The following ALS2 variants were observed in gnomAD, a reference collection of about 807,000 sequenced individuals.
ALS2 encodes alsin Rho guanine nucleotide exchange factor ALS2.
In ALS2, 117 loss-of-function variants were observed where a neutral mutation model predicts 203.4. The ratio of observed to expected loss-of-function variants is 0.58; its 90% CI spans 0.50 to 0.67. The LOEUF (loss-of-function observed/expected upper bound fraction) is 0.67, where lower values mean the gene tolerates loss of function less well. Among genes scored for constraint, ALS2 ranks in the 30% least tolerant of loss-of-function variants. ALS2 has a pLI of 0.00. For missense variants in ALS2, 1,715 were observed against 1,989.4 expected (o/e 0.86, Z 2.62); for synonymous variants, 718 against 725.9 (o/e 0.99, Z 0.17).
At chr2:201,736,276 G>A (rs1367320489) in intron 12 of ALS2, among the ~76,000 whole-genome samples, 2 of 151,864 alleles carry the variant, frequency 1.3e-5, no homozygotes, top group Non-Finnish European at 2.9e-5. Context: ...TACTACATAA[G>A]GTTAAAGACA....
intron 4 of ALS2, among the ~76,000 whole-genome samples, chr2:201,758,585 C>T (rs564627305): frequency 6.6e-6 from 1 of 152,158 alleles, no homozygotes; most frequent in East Asian, 1.9e-4. Flanking sequence ...TCATTGTTCC[C>T]TAAAAAGGAA....
intron 23 of ALS2, among the ~76,000 whole-genome samples, chr2:201,721,464 G>A (rs1464348823): frequency 6.6e-6 from 1 of 152,186 alleles, no homozygotes; most frequent in Non-Finnish European, 1.5e-5. Flanking sequence ...GGAGAGACAT[G>A]TTTATCAGTG....
intron 14 of ALS2, among the ~76,000 whole-genome samples, 175 bp from the exon 15 acceptor site, chr2:201,728,815 G>T (rs895132406): frequency 6.6e-6 from 1 of 151,612 alleles, no homozygotes; most frequent in Non-Finnish European, 1.5e-5. Flanking sequence ...AGAGCTCAAA[G>T]GAGATTAAAA....
intron 4 of ALS2, among the ~76,000 whole-genome samples, chr2:201,757,975 G>A (rs925052885): frequency 2.0e-5 from 3 of 152,128 alleles, no homozygotes; most frequent in Admixed American, 1.3e-4. Flanking sequence ...CTTCTCCAAA[G>A]TACTTCCTTT....
intron 1 of ALS2, chr2:201,779,957 T>C (rs915717980): frequency 2.6e-5 from 4 of 152,294 alleles, no homozygotes; most frequent in African/African-American, 9.6e-5. Flanking sequence ...GTGGGACCAA[T>C]AGGTTTGCTG....
Position 201,749,763 on chromosome 2 carries a change from A to T in ALS2, c.1764T>A (p.Phe588Leu). The T allele has an allele frequency of 6.2e-7, 1 of 1,614,158 alleles. No homozygotes were observed. The highest frequency in any genetic ancestry group is 8.5e-7 in the Non-Finnish European group (1 of 1,179,998). Residue 588 changes from phenylalanine to leucine, a missense_variant, in exon 8 of 34, where the codon TTT becomes TTA. Around this residue, in one of 3 missense-constraint regions of ALS2, gnomAD observed 1,227 missense variants for 1,413.5 expected, o/e 0.87. Coordinates refer to ENST00000264276, the MANE Select transcript of ALS2 (RefSeq NM_020919.4). ...GAAAATCGGAATGCCCAAGTTGACC[A>T]AAGGTATTGCTACCCCATGAGTAAA... is the stretch of plus-strand genomic sequence containing the variant. ...SQVYSWGSNT[F>L]GQLGHSDFPT... is the part of the protein sequence containing the mutation.
At chr2:201,710,168 T>G in intron 26 of ALS2, 130 bp from the exon 27 acceptor site, 1 of 1,042,844 alleles carries the variant, frequency 9.6e-7, no homozygotes, top group Non-Finnish European at 1.4e-6. Context: ...GGACCAGGAA[T>G]ATTCAAATAC....
intron 9 of ALS2, among the ~76,000 whole-genome samples, chr2:201,746,034 T>C (rs972442883): frequency 1.3e-5 from 2 of 152,132 alleles, no homozygotes; most frequent in African/African-American, 4.8e-5. Flanking sequence ...GTCTGTTGGG[T>C]CTCTCATGGT....
intron 26 of ALS2, among the ~76,000 whole-genome samples, chr2:201,710,334 T>G (rs754122584): frequency 1.3e-5 from 2 of 151,844 alleles, no homozygotes; most frequent in Non-Finnish European, 2.9e-5. Context: ...TGGTGGCTCA[T>G]GCCTATAGTC....
At chr2:201,760,685 C>A in intron 4 of ALS2, 196 bp downstream of exon 4, 1 of 1,395,154 alleles carries the variant, frequency 7.2e-7, no homozygotes, top group Admixed American at 3.2e-5. Context: ...CATAAAGGGC[C>A]AGAACAAACA....
At chr2:201,779,124 G>C (rs1694785516) in intron 1 of ALS2, among the ~76,000 whole-genome samples, 1 of 152,092 alleles carries the variant, frequency 6.6e-6, no homozygotes, top group South Asian at 2.1e-4. Flanking sequence ...TTCTTTAACA[G>C]TCAAAGTGCC....
chr2:201,733,571 A>G, intron 12 of ALS2, 133 bp from the exon 13 acceptor site: 1 of 774,696 alleles, frequency 1.3e-6, no homozygotes. Context: ...TAGAAATACA[A>G]TGAAATAAGC....
chr2:201,767,160 C>T (rs1694131331), intron 3 of ALS2, 69 bp downstream of exon 3: 24 of 1,597,662 alleles, frequency 1.5e-5, no homozygotes, highest in Admixed American at 1.0e-4. Context: ...GACTCCCATA[C>T]CTGACCTTCC....
intron 33 of ALS2, 71 bp from the exon 34 acceptor site, chr2:201,701,960 G>A: frequency 1.4e-6 from 2 of 1,397,166 alleles, no homozygotes; most frequent in South Asian, 1.2e-5. Flanking sequence ...AATGCATATG[G>A]GACTAAAGAA....
intron 10 of ALS2, among the ~76,000 whole-genome samples, chr2:201,743,436 G>A (rs1367106392): frequency 1.3e-5 from 2 of 152,034 alleles, no homozygotes; most frequent in East Asian, 1.9e-4. Context: ...TTGTAGCTGG[G>A]CATAGCTAAG....
intron 33 of ALS2, 144 bp from the exon 34 acceptor site, chr2:201,702,033 C>G (rs1689419087): frequency 2.6e-6 from 2 of 763,210 alleles, no homozygotes; most frequent in South Asian, 3.2e-5. Context: ...TTCACTTTTC[C>G]CTGTTCCCTT....
intron 1 of ALS2, among the ~76,000 whole-genome samples, chr2:201,773,482 T>C (rs1392991313): frequency 3.3e-5 from 5 of 152,142 alleles, no homozygotes; most frequent in African/African-American, 1.2e-4. Flanking sequence ...TAGCTGTGTG[T>C]TGGTGGCTCC....
In ALS2 at chr2:201,761,456, A is replaced by G. The variant is rs781614498; in HGVS notation, c.538T>C (p.Leu180=). 2 of 1,607,564 alleles carry G rather than the reference A, an allele frequency of 1.2e-6. No individual in the cohort carries two copies. The highest frequency in any genetic ancestry group is 3.3e-5 in the Admixed American group (2 of 59,924). Residue 180 remains leucine (L), a synonymous_variant, in exon 4 of 34, where the codon TTG becomes CTG. Coordinates refer to ENST00000264276, the MANE Select transcript of ALS2 (RefSeq NM_020919.4). ...EIWAWGTGCQ[L]GLITTAFPVT... is the part of the protein sequence containing the mutation. ...GGGAAGGCAGTGGTAATGAGACCCAACTGACAACCGGTACCCCATGCCCAA... is the reference window on the plus strand; with the variant it reads ...GGGAAGGCAGTGGTAATGAGACCCAGCTGACAACCGGTACCCCATGCCCAA...
chr2:201,714,971 C>T (rs1294996243), intron 25 of ALS2, among the ~76,000 whole-genome samples: 2 of 152,168 alleles, frequency 1.3e-5, no homozygotes, highest in African/African-American at 4.8e-5. Flanking sequence ...TGCCCACTTC[C>T]GTGATTGTGC....
Sources: allele counts gnomAD v4.1 joint callset (sites outside exome capture counted in the v4.1 genomes callset), GRCh38; gene constraint gnomAD v4.1.1; regional missense constraint gnomAD v4.1.1; transcripts MANE v1.5; gene names NCBI Gene and HGNC (gene_info 2026-07-23, HGNC 2026-07-21).